The following MLLT3 variants were observed in gnomAD, a reference collection of about 807,000 sequenced individuals.
MLLT3 encodes protein AF-9.
MLLT3 carries 4 observed loss-of-function variants against 53.2 expected under a neutral mutation model. The ratio of observed to expected loss-of-function variants is 0.08; its 90% CI spans 0.04 to 0.17. The LOEUF (loss-of-function observed/expected upper bound fraction) is 0.17. MLLT3 is among the 10% of genes least tolerant of loss of function. The pLI, the probability that MLLT3 is intolerant of heterozygous loss-of-function variation, is 1.00. For missense variants in MLLT3, 569 were observed against 684.0 expected (o/e 0.83, Z 1.87); for synonymous variants, 283 against 230.6 (o/e 1.23, Z -2.06).
chr9:20,477,956 G>A (rs538138721), intron 2 of MLLT3, among the ~76,000 whole-genome samples: 10 of 152,344 alleles, frequency 6.6e-5, no homozygotes, highest in African/African-American at 1.9e-4. Context: ...CAGAAGAAGC[G>A]CTGTTCCAGC....
intron 2 of MLLT3, among the ~76,000 whole-genome samples, chr9:20,510,800 C>A (rs1825516189): frequency 6.6e-6 from 1 of 152,004 alleles, no homozygotes. Flanking sequence ...ATTATACATC[C>A]TTTAGTCTAG....
chr9:20,477,841 A>G (rs751846155), intron 2 of MLLT3, among the ~76,000 whole-genome samples: 10 of 152,220 alleles, frequency 6.6e-5, no homozygotes, highest in Admixed American at 1.3e-4. Context: ...TATAAAAGCA[A>G]CAAAGAAAGT....
At chr9:20,571,424 T>C (rs1819529425) in intron 2 of MLLT3, among the ~76,000 whole-genome samples, 1 of 152,004 alleles carries the variant, frequency 6.6e-6, no homozygotes, top group Admixed American at 6.6e-5. Context: ...TCAATAACAA[T>C]AAAAAAAACC....
In MLLT3 at chr9:20,415,848, A is replaced by G. The variant is rs117953513; in HGVS notation, c.421-1423T>C. 6.5e-4 allele frequency among the ~76,000 whole-genome samples: 99 copies of G among 152,144 alleles called. No homozygotes were observed. In the East Asian group the frequency reaches 0.015, roughly 23 times the overall value. ...TCCAAATGAAAACTTATTGTTCTAT[A>G]TTAGTAGAAATATATTTTTTGGTTT... On this transcript the variant is annotated intron_variant, in intron 4 of 10. Transcript: ENST00000380338.
intron 2 of MLLT3, among the ~76,000 whole-genome samples, chr9:20,539,943 GAGGTAC>G (rs1818583976): frequency 1.3e-5 from 2 of 152,288 alleles, no homozygotes; most frequent in South Asian, 4.1e-4. Flanking sequence ...AGATACAATG[GAGGTAC>G]AGGCATTGGG....
At chr9:20,461,248 T>C (rs1295875248) in intron 2 of MLLT3, among the ~76,000 whole-genome samples, 2 of 152,158 alleles carry the variant, frequency 1.3e-5, no homozygotes, top group East Asian at 3.9e-4. Context: ...CTTTTCAAAA[T>C]AACAGACACA....
chr9:20,446,856 T>C (rs1416132301), intron 4 of MLLT3, among the ~76,000 whole-genome samples: 1 of 152,218 alleles, frequency 6.6e-6, no homozygotes, highest in Admixed American at 6.5e-5. Context: ...ATACATTTCT[T>C]CATGAAGCTG....
chr9:20,374,526 A>G (rs528069775), intron 5 of MLLT3, among the ~76,000 whole-genome samples: 1 of 152,228 alleles, frequency 6.6e-6, no homozygotes. Context: ...AAATTTAAAC[A>G]AAGAAGTATT....
At chr9:20,380,732 T>C (rs1160126804) in intron 5 of MLLT3, among the ~76,000 whole-genome samples, 1 of 152,054 alleles carries the variant, frequency 6.6e-6, no homozygotes, top group Non-Finnish European at 1.5e-5. Context: ...CTTAATTTCA[T>C]CTGACTTAAA....
chr9:20,467,639 T>A (rs1824269330), intron 2 of MLLT3, among the ~76,000 whole-genome samples: 1 of 151,766 alleles, frequency 6.6e-6, no homozygotes, highest in African/African-American at 2.4e-5. Flanking sequence ...TATTTAGGAG[T>A]AATAAAAAAT....
chr9:20,591,047 G>C (rs1230313225), intron 2 of MLLT3, among the ~76,000 whole-genome samples: 1 of 152,074 alleles, frequency 6.6e-6, no homozygotes, highest in Non-Finnish European at 1.5e-5. Context: ...ACTGTACCTA[G>C]CCTTGACAGT....
At chr9:20,484,725 A>G (rs903985538) in intron 2 of MLLT3, among the ~76,000 whole-genome samples, 1 of 152,178 alleles carries the variant, frequency 6.6e-6, no homozygotes, top group Non-Finnish European at 1.5e-5. Flanking sequence ...CTGTAAAAAG[A>G]ACTGCCCTTC....
intron 2 of MLLT3, among the ~76,000 whole-genome samples, chr9:20,585,273 C>G (rs970452140): frequency 2.0e-5 from 3 of 152,148 alleles, no homozygotes; most frequent in African/African-American, 2.4e-5. Flanking sequence ...TATTTTTCAA[C>G]TGACAAAAAC....
intron 5 of MLLT3, among the ~76,000 whole-genome samples, chr9:20,382,203 T>A (rs1821924936): frequency 6.6e-6 from 1 of 151,920 alleles, no homozygotes; most frequent in Non-Finnish European, 1.5e-5. Context: ...AATTTTTCTA[T>A]ACATCAAAAC....
chr9:20,356,165 G>A (rs747030512), intron 8 of MLLT3, among the ~76,000 whole-genome samples: 4 of 152,106 alleles, frequency 2.6e-5, no homozygotes, highest in Non-Finnish European at 5.9e-5. Context: ...TACTCCTGAA[G>A]GGGCATATTT....
At chr9:20,469,571 T>A (rs1346678963) in intron 2 of MLLT3, among the ~76,000 whole-genome samples, 1 of 152,000 alleles carries the variant, frequency 6.6e-6, no homozygotes, top group African/African-American at 2.4e-5. Context: ...AACAGCTCAA[T>A]AGAAAGATTA....
chr9:20,467,926 T>G (rs1308744389), intron 2 of MLLT3, among the ~76,000 whole-genome samples: 5 of 152,198 alleles, frequency 3.3e-5, no homozygotes, highest in African/African-American at 4.8e-5. Flanking sequence ...AACTTTAATT[T>G]AGCAACAGGC....
At chr9:20,420,887 A>G (rs1448178803) in intron 4 of MLLT3, among the ~76,000 whole-genome samples, 1 of 152,234 alleles carries the variant, frequency 6.6e-6, no homozygotes, top group Non-Finnish European at 1.5e-5. Flanking sequence ...ACTGATAAAA[A>G]TCAATCATAA....
intron 2 of MLLT3, among the ~76,000 whole-genome samples, chr9:20,598,935 A>T (rs1266490320): frequency 1.3e-5 from 2 of 152,250 alleles, no homozygotes; most frequent in African/African-American, 4.8e-5. Context: ...ACAAAAATTA[A>T]AGGGAAAAGC....
Sources: allele counts gnomAD v4.1 joint callset (sites outside exome capture counted in the v4.1 genomes callset), GRCh38; gene constraint gnomAD v4.1.1; transcripts MANE v1.5; gene names NCBI Gene and HGNC (gene_info 2026-07-23, HGNC 2026-07-21).